Variants in ERICH1 observed in about 807,000 individuals in gnomAD.
ERICH1 encodes the protein glutamate rich 1.
In ERICH1, 56 loss-of-function variants were observed where a neutral mutation model predicts 39.6. The ratio of observed to expected loss-of-function variants is 1.41; its 90% CI spans 1.14 to 1.77. The LOEUF (loss-of-function observed/expected upper bound fraction) is 1.77, where lower values mean the gene tolerates loss of function less well. Ranked by LOEUF, ERICH1 falls within the 40% of genes most tolerant of loss-of-function variation. The pLI is 0.00. For missense variants in ERICH1, 826 were observed against 575.4 expected (o/e 1.44, Z -4.45); for synonymous variants, 313 against 223.6 (o/e 1.40, Z -3.57).
rs115917644 is a variant in ERICH1 at position 707,132 on chromosome 8, G to A, written c.169+8729C>T. 5.9e-3 allele frequency among the ~76,000 whole-genome samples: 899 copies of A among 151,606 alleles called. 6 individuals are homozygous for A. Among genetic ancestry groups the A allele is most frequent in the African/African-American group, 0.02 (832 of 41,378 alleles). On this transcript the variant is annotated intron_variant, in intron 2 of 5. Coordinates refer to ENST00000262109, the MANE Select transcript of ERICH1 (RefSeq NM_207332.3). Reference sequence around the variant, plus strand: ...ATGGTGGATGGTACAGACATGGGATGGACATACATCAATGGAATAGAATTG... The same window carrying A: ...ATGGTGGATGGTACAGACATGGGATAGACATACATCAATGGAATAGAATTG...
At chr8:670,146 C>A (rs1299047198) in intron 4 of ERICH1, among the ~76,000 whole-genome samples, 2 of 152,186 alleles carry the variant, frequency 1.3e-5, no homozygotes, top group African/African-American at 4.8e-5. Flanking sequence ...TACCAACTCT[C>A]ATTTGCTGTT....
intron 3 of ERICH1, among the ~76,000 whole-genome samples, chr8:692,035 T>C (rs984087780): frequency 3.9e-5 from 6 of 152,254 alleles, no homozygotes; most frequent in South Asian, 2.1e-4. Context: ...ATAATAATTT[T>C]TTCCAAAAGA....
At position 715,895 on chromosome 8, in the gene ERICH1, C is replaced by G. The variant is rs768992874; in HGVS notation, c.135G>C (p.Glu45Asp). The change falls in exon 2 of 6, where the codon GAG (glutamate) becomes GAC (aspartate). Residue 45 changes from glutamate (E) to aspartate (D), a missense_variant. Coordinates refer to ENST00000262109, the MANE Select transcript of ERICH1 (RefSeq NM_207332.3). ...VQNPPKKVTS[E>D]KVSQKHAEPL... is the part of the protein sequence containing the mutation. The stretch of plus-strand genomic sequence containing the variant: ...GCTCAGCATGTTTCTGGCTCACTTT[C>G]TCAGAGGTCACTTTCTTTGGTGGAT... The G allele has an allele frequency of 5.0e-6, 8 of 1,613,910 alleles. No individual in the cohort carries two copies. Among genetic ancestry groups the G allele is most frequent in the Non-Finnish European group, 6.8e-6 (8 of 1,179,912 alleles).
exon 4 of ERICH1, chr8:615,062 C>T (rs1340298072): frequency 1.7e-6 from 1 of 583,648 alleles, no homozygotes; most frequent in Non-Finnish European, 3.0e-6. Flanking sequence ...CAGCCCTGTA[C>T]CCATCGGCCA....
At position 673,446 on chromosome 8, in the gene ERICH1, G is replaced by C. The variant is rs771442666; in HGVS notation, c.906C>G (p.Ser302Arg). The C allele has an allele frequency of 1.2e-6, 2 of 1,613,344 alleles. No individual in the cohort carries two copies. The highest frequency in any genetic ancestry group is 1.7e-6 in the Non-Finnish European group (2 of 1,179,846). Residue 302 changes from serine (S) to arginine (R), a missense_variant, in exon 4 of 6, where the codon AGC becomes AGG. Transcript: ENST00000262109. ...DTREEDGADA[S>R]EEDPTWAGEE... ...CCCCAGCCCATGTCGGGTCTTCCTC[G>C]CTGGCGTCCGCACCGTCCTCCTCCC... is the stretch of plus-strand genomic sequence containing the variant.
At chr8:668,158 C>T in intron 5 of ERICH1, 1 of 257,696 alleles carries the variant, frequency 3.9e-6, no homozygotes, top group Non-Finnish European at 7.6e-6. Flanking sequence ...CAGCACACAA[C>T]AGTTTGCATG....
chr8:716,143 C>A, intron 1 of ERICH1, 136 bp from the exon 2 acceptor site: 1 of 1,105,202 alleles, frequency 9.0e-7, no homozygotes, highest in South Asian at 1.8e-5. Context: ...CCCTGGTCCT[C>A]CCACGCTGGG....
rs541601049 is a variant in ERICH1, at chr8:685,164, C to T, written c.304+7314G>A. Among the ~76,000 whole-genome samples the T allele has an allele frequency of 1.4e-3, 215 of 152,252 alleles. 1 individual carries two copies. Among genetic ancestry groups the T allele is most frequent in the African/African-American group, 4.8e-3 (201 of 41,550 alleles). ...AGCGGCCATTTTAGAGATCCCCCTC[C>T]GTCCCCCCAGGAATGCATTCTTTTT... On this transcript the variant is annotated intron_variant, in intron 3 of 5. Transcript: ENST00000262109.
chr8:670,919 C>T (rs970599827), intron 4 of ERICH1, among the ~76,000 whole-genome samples: 3 of 149,834 alleles, frequency 2.0e-5, no homozygotes, highest in Non-Finnish European at 4.4e-5. Flanking sequence ...CCTGCTCCAA[C>T]CTCTGAGCCC....
chr8:698,014 C>T (rs926857591), intron 2 of ERICH1, among the ~76,000 whole-genome samples: 1 of 152,098 alleles, frequency 6.6e-6, no homozygotes, highest in African/African-American at 2.4e-5. Flanking sequence ...GGGCCACCGG[C>T]GTGTACCTGT....
At chr8:684,737 AT>A (rs2131985866) in intron 3 of ERICH1, among the ~76,000 whole-genome samples, 1 of 152,186 alleles carries the variant, frequency 6.6e-6, no homozygotes, top group South Asian at 2.1e-4. Context: ...AAAGAGAGAA[AT>A]TTTAAAGCTG....
At chr8:705,170 C>T (rs1325806029) in intron 2 of ERICH1, among the ~76,000 whole-genome samples, 3 of 152,218 alleles carry the variant, frequency 2.0e-5, no homozygotes, top group African/African-American at 7.2e-5. Flanking sequence ...TTTGACCTAA[C>T]CGTACAAGAA....
chr8:617,345 T>C (rs1210241081), intron 3 of ERICH1, among the ~76,000 whole-genome samples: 1 of 152,138 alleles, frequency 6.6e-6, no homozygotes, highest in Non-Finnish European at 1.5e-5. Flanking sequence ...GTCCAGAGTA[T>C]CCCCTTTGCT....
At chr8:617,842 C>G (rs1317700721) in intron 3 of ERICH1, among the ~76,000 whole-genome samples, 2 of 149,566 alleles carry the variant, frequency 1.3e-5, no homozygotes, top group Non-Finnish European at 3.0e-5. Context: ...CCTCACTGCC[C>G]TCTGAGTGCT....
chr8:673,684 T>G lies in ERICH1; in HGVS notation c.668A>C (p.Glu223Ala). The change falls in exon 4 of 6, where the codon GAG (glutamate) becomes GCG (alanine). Residue 223 changes from glutamate to alanine, a missense_variant. By Grantham distance (107) the Glu-to-Ala change is moderately radical. Transcript: ENST00000262109. Reference sequence around the variant, plus strand: ...CTCCCTGGTATCTTTAACGTCTTCCTCCCCGGCCAGTGTCGGGTCTTCCTC... The same window carrying G: ...CTCCCTGGTATCTTTAACGTCTTCCGCCCCGGCCAGTGTCGGGTCTTCCTC... Reference protein sequence around the residue: ...TSEEDPTLAGEEDVKDTREED... With the variant: ...TSEEDPTLAGAEDVKDTREED... The G allele has an allele frequency of 1.2e-6, 2 of 1,613,908 alleles. No individual in the cohort carries two copies. Among genetic ancestry groups the G allele is most frequent in the Non-Finnish European group, 1.7e-6 (2 of 1,179,834 alleles).
At chr8:717,973 A>C (rs1816416855) in intron 1 of ERICH1, among the ~76,000 whole-genome samples, 2 of 152,264 alleles carry the variant, frequency 1.3e-5, no homozygotes, top group Admixed American at 6.5e-5. Context: ...TTCTGAAACA[A>C]GGCAGCTGAT....
intron 1 of ERICH1, among the ~76,000 whole-genome samples, chr8:727,371 T>C (rs566548140): frequency 2.0e-5 from 3 of 152,212 alleles, no homozygotes; most frequent in Admixed American, 6.5e-5. Flanking sequence ...ATTCCTGGCG[T>C]GTGAAGTTGG....
intron 1 of ERICH1, among the ~76,000 whole-genome samples, chr8:727,333 A>G (rs947593278): frequency 2.6e-5 from 4 of 152,238 alleles, no homozygotes; most frequent in African/African-American, 9.6e-5. Flanking sequence ...AACTGGCACC[A>G]GTGCCAGCAC....
chr8:664,246 G>GA lies in ERICH1; in HGVS notation c.*356dup. The stretch of plus-strand genomic sequence containing the variant: ...ATACCCAGAAAGCATTCTTAAAGCA[G>GA]AGACTTTCAGATACAAGGTGATTCA... On this transcript the variant is annotated 3_prime_UTR_variant, in exon 6 of 6. Coordinates refer to ENST00000262109, the MANE Select transcript of ERICH1 (RefSeq NM_207332.3). 1.0e-6 allele frequency: 1 copy of GA among 998,440 alleles called. No homozygotes were observed. Among genetic ancestry groups the GA allele is most frequent in the Non-Finnish European group, 1.2e-6 (1 of 838,830 alleles). 61.8% of individuals were successfully genotyped at this position (998,440 alleles called of 1,614,324 possible).
Sources: allele counts gnomAD v4.1 joint callset (sites outside exome capture counted in the v4.1 genomes callset), GRCh38; gene constraint gnomAD v4.1.1; transcripts MANE v1.5; gene names NCBI Gene and HGNC (gene_info 2026-07-23, HGNC 2026-07-21).